PIP4K2A: variants seen among roughly 807,000 people sequenced by gnomAD.
PIP4K2A encodes phosphatidylinositol-5-phosphate 4-kinase type 2 alpha, also known as phosphatidylinositol 5-phosphate 4-kinase type-2 alpha.
PIP4K2A carries 14 observed loss-of-function variants against 42.9 expected under a neutral mutation model. The ratio of observed to expected loss-of-function variants is 0.33; its 90% CI spans 0.22 to 0.51. The LOEUF is 0.51. Among genes scored for constraint, PIP4K2A ranks in the 20% least tolerant of loss-of-function variants. The pLI, the probability that PIP4K2A is intolerant of heterozygous loss-of-function variation, is 0.97. For missense variants in PIP4K2A, 434 were observed against 519.8 expected (o/e 0.83, Z 1.61); for synonymous variants, 192 against 192.2 (o/e 1.00, Z 0.01).
At chr10:22,553,980 T>C (rs1836473520) in intron 6 of PIP4K2A, among the ~76,000 whole-genome samples, 1 of 151,676 alleles carries the variant, frequency 6.6e-6, no homozygotes, top group Admixed American at 6.6e-5. Context: ...TACAAAAAAG[T>C]AATAAAACAT....
intron 1 of PIP4K2A, among the ~76,000 whole-genome samples, chr10:22,675,270 A>G (rs1268767438): frequency 1.3e-5 from 2 of 152,160 alleles, no homozygotes. Context: ...ATTACCTGAT[A>G]CTTTTGCTTT....
intron 1 of PIP4K2A, among the ~76,000 whole-genome samples, chr10:22,701,585 AC>A (rs1256155347): frequency 6.6e-6 from 1 of 152,164 alleles, no homozygotes; most frequent in African/African-American, 2.4e-5. Flanking sequence ...CAGAAGTGCC[AC>A]CATGCTTTGG....
chr10:22,649,828 A>C (rs972436801), intron 1 of PIP4K2A, among the ~76,000 whole-genome samples: 2 of 152,176 alleles, frequency 1.3e-5, no homozygotes, highest in Non-Finnish European at 2.9e-5. Flanking sequence ...CAGGAAAAAT[A>C]CTTATGTAGA....
intron 2 of PIP4K2A, among the ~76,000 whole-genome samples, chr10:22,609,100 T>A (rs1162210409): frequency 6.6e-6 from 1 of 152,248 alleles, no homozygotes; most frequent in East Asian, 1.9e-4. Flanking sequence ...GTCTTCTATA[T>A]CATTGCATCT....
At chr10:22,711,828 G>A (rs140822432) in intron 1 of PIP4K2A, among the ~76,000 whole-genome samples, 1 of 152,068 alleles carries the variant, frequency 6.6e-6, no homozygotes, top group East Asian at 1.9e-4. Context: ...AGAAATACAT[G>A]GCATCTAAGG....
At chr10:22,696,996 TA>T (rs1355049255) in intron 1 of PIP4K2A, among the ~76,000 whole-genome samples, 1 of 152,196 alleles carries the variant, frequency 6.6e-6, no homozygotes, top group Non-Finnish European at 1.5e-5. Context: ...ACTGTCACAA[TA>T]AAATACATCC....
intron 8 of PIP4K2A, among the ~76,000 whole-genome samples, chr10:22,541,449 T>C (rs1381104355): frequency 6.6e-6 from 1 of 152,220 alleles, no homozygotes; most frequent in Non-Finnish European, 1.5e-5. Context: ...CTGATGTTAT[T>C]TGTGAACATG....
chr10:22,538,572 G>A (rs1262525358), intron 9 of PIP4K2A, among the ~76,000 whole-genome samples: 1 of 152,174 alleles, frequency 6.6e-6, no homozygotes, highest in Admixed American at 6.5e-5. Context: ...GGTCAAACGA[G>A]GATTCCTCGC....
In PIP4K2A at chr10:22,618,815, C is replaced by A. The variant is rs78527343; in HGVS notation, c.145-9098G>T. Among the ~76,000 whole-genome samples the A allele has an allele frequency of 8.2e-3, 1,255 of 152,308 alleles. 28 individuals are homozygous for A. The highest frequency in any genetic ancestry group is 0.029 in the African/African-American group (1,205 of 41,550). On this transcript the variant is annotated intron_variant, in intron 1 of 9. Coordinates refer to ENST00000376573, the MANE Select transcript of PIP4K2A (RefSeq NM_005028.5). The stretch of plus-strand genomic sequence containing the variant: ...CCCACATTAGGTGCAATACCTACGA[C>A]CTCTCCTTCAGAATACTTGAAAGTT...
chr10:22,594,646 T>C (rs1176838547), intron 3 of PIP4K2A, among the ~76,000 whole-genome samples: 1 of 152,206 alleles, frequency 6.6e-6, no homozygotes, highest in East Asian at 1.9e-4. Flanking sequence ...TCTATCTGCC[T>C]GCCTTGGCCT....
intron 1 of PIP4K2A, among the ~76,000 whole-genome samples, chr10:22,703,767 C>T (rs1312736152): frequency 6.6e-6 from 1 of 152,156 alleles, no homozygotes; most frequent in African/African-American, 2.4e-5. Context: ...GCCGGGAGAC[C>T]AAACAGGAGG....
chr10:22,709,105 A>T (rs1299204474), intron 1 of PIP4K2A, among the ~76,000 whole-genome samples: 2 of 148,266 alleles, frequency 1.3e-5, no homozygotes, highest in South Asian at 2.1e-4. Context: ...AATTTAGCAG[A>T]CTTTTTTTTT....
At chr10:22,699,365 G>C (rs1284082531) in intron 1 of PIP4K2A, among the ~76,000 whole-genome samples, 1 of 152,028 alleles carries the variant, frequency 6.6e-6, no homozygotes, top group African/African-American at 2.4e-5. Context: ...TGGTCTAAGA[G>C]AGACAGGGGA....
rs370129579 is a variant in PIP4K2A at position 22,611,157 on chromosome 10, G to A, written c.145-1440C>T. ...TAATCCCAGCAATTTGGGAGGCTGA[G>A]GCAGGAGGACTGCTTGAGCCCAGGA... On this transcript the variant is annotated intron_variant, in intron 1 of 9. Coordinates refer to ENST00000376573, the MANE Select transcript of PIP4K2A (RefSeq NM_005028.5). Among the ~76,000 whole-genome samples the A allele has an allele frequency of 2.6e-3, 389 of 152,184 alleles. 2 individuals carry two copies. Among genetic ancestry groups the A allele is most frequent in the African/African-American group, 9.0e-3 (374 of 41,458 alleles).
intron 3 of PIP4K2A, among the ~76,000 whole-genome samples, chr10:22,592,444 G>A (rs1434338190): frequency 5.3e-5 from 8 of 152,194 alleles, no homozygotes; most frequent in African/African-American, 1.9e-4. Flanking sequence ...GGAGGAGGAG[G>A]CAGGAGCCTG....
At chr10:22,577,385 G>A (rs1260924956) in intron 4 of PIP4K2A, among the ~76,000 whole-genome samples, 4 of 151,920 alleles carry the variant, frequency 2.6e-5, no homozygotes, top group Non-Finnish European at 5.9e-5. Context: ...TGGGTCATGG[G>A]GGTGGGTCCC....
chr10:22,657,848 T>C (rs529857527), intron 1 of PIP4K2A, among the ~76,000 whole-genome samples: 49 of 152,350 alleles, frequency 3.2e-4, no homozygotes, highest in African/African-American at 1.1e-3. Context: ...AAACATCCCA[T>C]CAATTTTTAA....
intron 4 of PIP4K2A, among the ~76,000 whole-genome samples, chr10:22,579,111 A>T (rs866178929): frequency 6.6e-6 from 1 of 152,240 alleles, no homozygotes; most frequent in Non-Finnish European, 1.5e-5. Flanking sequence ...GGAGGAAAAG[A>T]GGGTACCACA....
chr10:22,703,267 G>T (rs1266986693), intron 1 of PIP4K2A, among the ~76,000 whole-genome samples: 1 of 152,028 alleles, frequency 6.6e-6, no homozygotes, highest in East Asian at 1.9e-4. Flanking sequence ...AAATTATCCA[G>T]GCATGGTGGT....
Sources: gnomAD v4.1 joint callset for allele counts (sites outside exome capture counted in the v4.1 genomes callset) on GRCh38, gnomAD v4.1.1 for gene constraint, MANE v1.5 for transcripts, NCBI Gene and HGNC (gene_info 2026-07-23, HGNC 2026-07-21) for gene names.